Variants in SPOCK3 observed in about 807,000 individuals in gnomAD.
SPOCK3 encodes the protein testican-3.
A neutral mutation model predicts 56.6 loss-of-function variants in SPOCK3; 30 were observed. The observed-to-expected ratio is 0.53, with a 90% CI of 0.40 to 0.72. SPOCK3 has a LOEUF of 0.72. SPOCK3 is among the 30% of genes least tolerant of loss of function. The pLI is 0.00. For synonymous variants in SPOCK3, 196 were observed against 183.3 expected (o/e 1.07, Z -0.56); for missense variants, 527 against 530.0 (o/e 0.99, Z 0.06).
intron 2 of SPOCK3, among the ~76,000 whole-genome samples, chr4:167,096,190 G>T (rs1008826090): frequency 2.0e-5 from 3 of 151,792 alleles, no homozygotes; most frequent in African/African-American, 7.2e-5. Flanking sequence ...TGTCATTTTT[G>T]TCTGCAGGTT....
chr4:167,116,402 T>C (rs1433691181), intron 2 of SPOCK3, among the ~76,000 whole-genome samples: 2 of 147,344 alleles, frequency 1.4e-5, no homozygotes, highest in African/African-American at 2.5e-5. Flanking sequence ...TGTAAATATA[T>C]ATACACAAAA....
At chr4:167,135,848 C>T (rs1006831680) in intron 2 of SPOCK3, among the ~76,000 whole-genome samples, 1 of 151,988 alleles carries the variant, frequency 6.6e-6, no homozygotes, top group African/African-American at 2.4e-5. Context: ...CATAATGCTG[C>T]TATAGGTGTC....
At chr4:167,070,768 G>A (rs1322169675) in intron 2 of SPOCK3, among the ~76,000 whole-genome samples, 1 of 151,868 alleles carries the variant, frequency 6.6e-6, no homozygotes, top group Non-Finnish European at 1.5e-5. Flanking sequence ...CACAAAAGAG[G>A]AAACTTTCCT....
At chr4:167,198,614 T>G (rs1298066084) in intron 2 of SPOCK3, among the ~76,000 whole-genome samples, 2 of 152,184 alleles carry the variant, frequency 1.3e-5, no homozygotes, top group African/African-American at 4.8e-5. Flanking sequence ...AAGAACATAC[T>G]TTTTTGTTAG....
chr4:166,923,846 A>G (rs1738770260), intron 4 of SPOCK3, among the ~76,000 whole-genome samples: 1 of 152,238 alleles, frequency 6.6e-6, no homozygotes, highest in African/African-American at 2.4e-5. Flanking sequence ...TTAAAGTTGT[A>G]AAGAGTAGAA....
intron 4 of SPOCK3, among the ~76,000 whole-genome samples, chr4:166,984,220 A>C (rs1453852963): frequency 6.6e-6 from 1 of 152,038 alleles, no homozygotes; most frequent in Non-Finnish European, 1.5e-5. Context: ...TATTTTCCTC[A>C]ATAGTTTATT....
At chr4:166,837,180 G>A (rs1746707047) in intron 6 of SPOCK3, among the ~76,000 whole-genome samples, 1 of 152,280 alleles carries the variant, frequency 6.6e-6, no homozygotes, top group South Asian at 2.1e-4. Context: ...AAGTCTTTAA[G>A]ATTCTTGGCT....
intron 3 of SPOCK3, among the ~76,000 whole-genome samples, chr4:167,051,771 C>A (rs949810738): frequency 6.6e-6 from 1 of 152,146 alleles, no homozygotes. Flanking sequence ...ACTGAGGTGG[C>A]GCCTGTCAAA....
chr4:167,002,304 C>T (rs535477980), intron 3 of SPOCK3, among the ~76,000 whole-genome samples: 2 of 152,176 alleles, frequency 1.3e-5, no homozygotes, highest in African/African-American at 4.8e-5. Flanking sequence ...TATATATGCA[C>T]ATATATCTTA....
intron 2 of SPOCK3, among the ~76,000 whole-genome samples, chr4:167,071,640 G>A (rs547961647): frequency 1.5e-5 from 2 of 130,094 alleles, no homozygotes; most frequent in Admixed American, 7.2e-5. Flanking sequence ...CAGTTGGGTT[G>A]GTCCCAAGTC....
At chr4:166,860,638 T>C (rs1056454254) in intron 6 of SPOCK3, among the ~76,000 whole-genome samples, 2 of 151,098 alleles carry the variant, frequency 1.3e-5, no homozygotes, top group African/African-American at 2.4e-5. Context: ...CAATAAAGAA[T>C]CAGGAAGATA....
At chr4:166,999,062 C>T (rs940244927) in intron 4 of SPOCK3, among the ~76,000 whole-genome samples, 1 of 152,112 alleles carries the variant, frequency 6.6e-6, no homozygotes, top group African/African-American at 2.4e-5. Context: ...AACTGCTTCA[C>T]CCATTTGTGC....
chr4:166,934,390 C>A (rs1216739466), intron 4 of SPOCK3, among the ~76,000 whole-genome samples: 1 of 151,054 alleles, frequency 6.6e-6, no homozygotes, highest in South Asian at 2.1e-4. Flanking sequence ...CCAAGCTACT[C>A]GGGAGGCTGA....
At chr4:166,971,657 C>T (rs34881429) in intron 4 of SPOCK3, among the ~76,000 whole-genome samples, 13,030 of 152,042 alleles carry the variant, frequency 0.086, 637 homozygotes, top group Middle Eastern at 0.12. Context: ...AAGCTATAAA[C>T]CAAAACACTA....
intron 2 of SPOCK3, among the ~76,000 whole-genome samples, chr4:167,200,491 C>G (rs1733415911): frequency 6.6e-6 from 1 of 151,874 alleles, no homozygotes; most frequent in African/African-American, 2.4e-5. Flanking sequence ...CTAGATACAC[C>G]ATAAAGTGCT....
At chr4:167,172,184 C>T (rs1561289784) in intron 2 of SPOCK3, among the ~76,000 whole-genome samples, 1 of 152,138 alleles carries the variant, frequency 6.6e-6, no homozygotes, top group Non-Finnish European at 1.5e-5. Context: ...TAGCAAGGGC[C>T]AGGGTACAAC....
chr4:166,999,807 A>G (rs1028072105), intron 4 of SPOCK3, among the ~76,000 whole-genome samples: 1 of 152,050 alleles, frequency 6.6e-6, no homozygotes, highest in Non-Finnish European at 1.5e-5. Context: ...GATACTTGAA[A>G]TCCTCCCTTC....
intron 3 of SPOCK3, among the ~76,000 whole-genome samples, chr4:167,022,978 C>T (rs1027870553): frequency 6.6e-6 from 1 of 151,916 alleles, no homozygotes; most frequent in Non-Finnish European, 1.5e-5. Flanking sequence ...TTTTCTAGTC[C>T]CCAAGGTCTT....
At chr4:166,776,303 C>G (rs543622879) in intron 7 of SPOCK3, among the ~76,000 whole-genome samples, 2 of 152,064 alleles carry the variant, frequency 1.3e-5, no homozygotes, top group African/African-American at 2.4e-5. Context: ...GTCCCAGCTA[C>G]TCAGGAGGCT....
Sources: gnomAD v4.1 joint callset for allele counts (sites outside exome capture counted in the v4.1 genomes callset) on GRCh38, gnomAD v4.1.1 for gene constraint, MANE v1.5 for transcripts, NCBI Gene and HGNC (gene_info 2026-07-23, HGNC 2026-07-21) for gene names.